MALRD1: variants seen among roughly 807,000 people sequenced by gnomAD.
MALRD1 encodes MAM and LDL-receptor class A domain-containing protein 1.
A neutral mutation model predicts 242.1 loss-of-function variants in MALRD1; 247 were observed. The observed-to-expected ratio is 1.02, with a 90% CI of 0.92 to 1.13. The LOEUF is 1.13. MALRD1 is among the 50% of genes most tolerant of loss of function. The probability of loss-of-function intolerance (pLI) is 0.00; values close to 1 mark genes in which losing one functional copy is unlikely to be tolerated. For missense variants in MALRD1, 2,989 were observed against 2,533.1 expected, an observed-to-expected ratio of 1.18 and a Z score of -3.86; for synonymous variants, 995 against 866.6, an observed-to-expected ratio of 1.15 and a Z score of -2.60.
intron 28 of MALRD1, among the ~76,000 whole-genome samples, chr10:19,409,542 A>G (rs1833184827): frequency 6.6e-6 from 1 of 152,206 alleles, no homozygotes; most frequent in African/African-American, 2.4e-5. Context: ...AAGCAGGTAC[A>G]GCTATTAGAG....
intron 38 of MALRD1, among the ~76,000 whole-genome samples, chr10:19,700,756 A>G (rs1397691023): frequency 6.6e-6 from 1 of 152,072 alleles, no homozygotes; most frequent in Non-Finnish European, 1.5e-5. Context: ...GCCAAAAACA[A>G]TTATCACCCA....
intron 36 of MALRD1, among the ~76,000 whole-genome samples, chr10:19,673,109 G>A (rs1040007896): frequency 2.0e-5 from 3 of 152,112 alleles, no homozygotes; most frequent in Admixed American, 6.6e-5. Context: ...TTGGTCGGGC[G>A]CAGTGGCTCA....
At chr10:19,067,007 A>C in intron 2 of MALRD1, 148 bp downstream of exon 2, 2 of 532,258 alleles carry the variant, frequency 3.8e-6, no homozygotes. Flanking sequence ...TGATATTTAC[A>C]TATTTGTAGT....
At chr10:19,576,854 T>C (rs553270152) in intron 33 of MALRD1, among the ~76,000 whole-genome samples, 183 of 152,268 alleles carry the variant, frequency 1.2e-3, no homozygotes, top group African/African-American at 4.1e-3. Context: ...GAGATTGTCT[T>C]AGTCTTAACT....
intron 14 of MALRD1, among the ~76,000 whole-genome samples, chr10:19,179,536 G>C (rs1025958036): frequency 2.0e-5 from 3 of 152,032 alleles, no homozygotes; most frequent in Non-Finnish European, 4.4e-5. Flanking sequence ...TGTAATCCCA[G>C]CTACTCAGGA....
chr10:19,565,082 A>G (rs577611865), intron 32 of MALRD1, among the ~76,000 whole-genome samples: 2 of 152,288 alleles, frequency 1.3e-5, no homozygotes, highest in South Asian at 4.1e-4. Flanking sequence ...CTGGCCAGAA[A>G]TTTCATTGAA....
intron 19 of MALRD1, among the ~76,000 whole-genome samples, chr10:19,260,332 A>G (rs969615091): frequency 1.3e-5 from 2 of 152,168 alleles, no homozygotes; most frequent in African/African-American, 4.8e-5. Flanking sequence ...GTGTAATTTC[A>G]TGTAGCTCTA....
At chr10:19,368,881 G>A (rs1165928342) in intron 26 of MALRD1, among the ~76,000 whole-genome samples, 1 of 143,356 alleles carries the variant, frequency 7.0e-6, no homozygotes. Context: ...ATGTGTGTGT[G>A]TGTGTGTGTT....
intron 29 of MALRD1, among the ~76,000 whole-genome samples, chr10:19,477,410 C>G (rs902488618): frequency 6.6e-6 from 1 of 151,872 alleles, no homozygotes; most frequent in African/African-American, 2.4e-5. Flanking sequence ...GAAATAAGGC[C>G]TGTTAGCTCT....
In MALRD1 at chr10:19,136,618, C is replaced by T; in HGVS notation, c.1248C>T (p.Ala416=). 1 of 1,231,514 alleles carries T rather than the reference C, an allele frequency of 8.1e-7. No individual in the cohort carries two copies. The highest frequency in any genetic ancestry group is 1.0e-6 in the Non-Finnish European group (1 of 987,930). 76.3% of individuals were successfully genotyped at this position (1,231,514 alleles called of 1,614,324 possible). A position where few individuals can be genotyped will look rare whatever the true frequency, so the allele number is the denominator to read the frequency against. ...GTLLSQRSFI[A]LDHLWVYACG... The stretch of plus-strand genomic sequence containing the variant: ...TTTTGAGCCAGAGAAGTTTTATTGC[C>T]CTTGATCACCTCTGGGTCTATGCCT... Residue 416 remains alanine (A), a synonymous_variant, in exon 10 of 40, where the codon GCC becomes GCT. Coordinates refer to ENST00000454679, the MANE Select transcript of MALRD1 (RefSeq NM_001142308.3).
rs568156484 is a variant in MALRD1, at chr10:19,267,074, A to T, written c.3079+9303A>T. ...GACAGGAATTTTCTTTCTTGCACCA[A>T]GGATTAATAGTGAGATAGCTAGTTT... On this transcript the variant is annotated intron_variant, in intron 19 of 39. Coordinates refer to ENST00000454679, the MANE Select transcript of MALRD1 (RefSeq NM_001142308.3). Among the ~76,000 whole-genome samples, 18 of 152,178 alleles carry T rather than the reference A, an allele frequency of 1.2e-4. 1 individual carries two copies. In the South Asian group the frequency reaches 3.7e-3, roughly 32 times the overall value.
rs1321264700 is a variant in MALRD1 at position 19,624,729 on chromosome 10, G to A, written c.6137+8806G>A. On this transcript the variant is annotated intron_variant, in intron 36 of 39. Coordinates refer to ENST00000454679, the MANE Select transcript of MALRD1 (RefSeq NM_001142308.3). Reference sequence around the variant, plus strand: ...AAAAATACAAAAATTAGCCGGGGGTGATGGCACATGCCTGTAATTTTAGCT... The same window carrying A: ...AAAAATACAAAAATTAGCCGGGGGTAATGGCACATGCCTGTAATTTTAGCT... 2.6e-5 allele frequency among the ~76,000 whole-genome samples: 4 copies of A among 152,072 alleles called. No individual in the cohort carries two copies. In the East Asian group the frequency reaches 7.8e-4, roughly 30 times the overall value.
chr10:19,446,332 G>T (rs992420957), intron 28 of MALRD1, among the ~76,000 whole-genome samples: 5 of 151,978 alleles, frequency 3.3e-5, no homozygotes, highest in African/African-American at 7.3e-5. Flanking sequence ...ACCTCAGTTG[G>T]AAATGCAGAA....
At chr10:19,663,378 AGTAT>A (rs1841531921) in intron 36 of MALRD1, among the ~76,000 whole-genome samples, 1 of 152,158 alleles carries the variant, frequency 6.6e-6, no homozygotes, top group African/African-American at 2.4e-5. Context: ...ATGGATGAGT[AGTAT>A]TCCATGGTAT....
intron 36 of MALRD1, among the ~76,000 whole-genome samples, chr10:19,647,552 A>G (rs1043766734): frequency 6.6e-6 from 1 of 152,198 alleles, no homozygotes; most frequent in African/African-American, 2.4e-5. Flanking sequence ...AAGGGTCACA[A>G]TTTAGCCAGG....
At chr10:19,528,370 G>A (rs1412378361) in intron 31 of MALRD1, among the ~76,000 whole-genome samples, 5 of 152,106 alleles carry the variant, frequency 3.3e-5, no homozygotes, top group African/African-American at 4.8e-5. Context: ...CGAGGCGGGC[G>A]GATCACAAGG....
intron 32 of MALRD1, among the ~76,000 whole-genome samples, chr10:19,549,513 A>G (rs1236574699): frequency 6.6e-6 from 1 of 152,202 alleles, no homozygotes; most frequent in Non-Finnish European, 1.5e-5. Flanking sequence ...CACCAGCAAG[A>G]TTATGACTTG....
intron 38 of MALRD1, chr10:19,721,472 A>T (rs1834747972): frequency 6.6e-6 from 1 of 151,910 alleles, no homozygotes. Flanking sequence ...CAGTGAAATG[A>T]TTGTCTTTTA....
intron 11 of MALRD1, among the ~76,000 whole-genome samples, chr10:19,148,577 A>G (rs912700744): frequency 3.9e-5 from 6 of 151,934 alleles, no homozygotes; most frequent in Admixed American, 2.0e-4. Flanking sequence ...CCATCTTATA[A>G]TTACTACATA....
Sources: allele counts gnomAD v4.1 joint callset (sites outside exome capture counted in the v4.1 genomes callset), GRCh38; gene constraint gnomAD v4.1.1; transcripts MANE v1.5; gene names NCBI Gene and HGNC (gene_info 2026-07-23, HGNC 2026-07-21).